KRT83: variants seen among roughly 807,000 people sequenced by gnomAD.
The protein encoded by KRT83 is keratin 83.
KRT83 carries 51 observed loss-of-function variants against 52.9 expected under a neutral mutation model. The observed-to-expected ratio is 0.96, with a 90% CI of 0.77 to 1.22. The LOEUF is 1.22. KRT83 is among the 50% of genes most tolerant of loss of function. The probability of loss-of-function intolerance (pLI) is 0.00; values close to 1 mark genes in which losing one functional copy is unlikely to be tolerated. For missense variants in KRT83, 654 were observed against 666.5 expected (o/e 0.98, Z 0.21); for synonymous variants, 278 against 274.1 (o/e 1.01, Z -0.14).
chr12:52,314,534 G>A lies in KRT83; in HGVS notation c.*97C>T. ...CGATGGTGTATTCTCAGAACACAAG[G>A]GGAAAAGCCAGCGATGTGCTGCTGT... On this transcript the variant is annotated 3_prime_UTR_variant, in exon 9 of 9. Coordinates refer to ENST00000293670, the MANE Select transcript of KRT83 (RefSeq NM_002282.3). 2.6e-6 allele frequency: 3 copies of A among 1,158,014 alleles called. No homozygotes were observed. Among genetic ancestry groups the A allele is most frequent in the East Asian group, 2.6e-5 (1 of 39,174 alleles). The allele number at this position is 1,158,014 out of a possible 1,614,324, so 71.7% of individuals were successfully genotyped here.
At position 52,321,204 on chromosome 12, in the gene KRT83, G is replaced by A. The variant is rs745755826; in HGVS notation, c.132C>T (p.Arg44=). 17 of 1,613,062 alleles carry A rather than the reference G, an allele frequency of 1.1e-5. No individual in the cohort carries two copies. The highest frequency in any genetic ancestry group is 1.4e-5 in the Non-Finnish European group (16 of 1,179,590). The change falls in exon 1 of 9, where the codon CGC becomes CGT. Residue 44 remains arginine, a synonymous_variant. Coordinates refer to ENST00000293670, the MANE Select transcript of KRT83 (RefSeq NM_002282.3). ...AAPYRGISCY[R]GLTGGFGSHS... is the part of the protein sequence containing the mutation. ...GGCTGCCAAAGCCCCCGGTGAGGCC[G>A]CGGTAGCAGGAGATGCCGCGGTAGG...
At position 52,314,735 on chromosome 12, in the gene KRT83, C is replaced by T. The variant is rs1427065959; in HGVS notation, c.1378G>A (p.Ala460Thr). ...SRPVTGSVCS[A>T]PCNGNLVVST... ...ACCACCAGGTTCCCGTTGCAGGGGGCACTGCAGACGCTGCCCGTCACCGGC... is the reference window on the plus strand; with the variant it reads ...ACCACCAGGTTCCCGTTGCAGGGGGTACTGCAGACGCTGCCCGTCACCGGC... The change falls in exon 9 of 9, where the codon GCC (alanine) becomes ACC (threonine). Residue 460 changes from alanine (A) to threonine (T), a missense_variant. Transcript: ENST00000293670. 4 of 1,594,690 alleles carry T rather than the reference C, an allele frequency of 2.5e-6. No homozygotes were observed. In the Admixed American group the frequency reaches 6.9e-5, roughly 28 times the overall value.
At chr12:52,316,261 T>TACACACACACACAAACACAC in intron 6 of KRT83, 148 bp from the exon 7 acceptor site, 1 of 810,432 alleles carries the variant, frequency 1.2e-6, no homozygotes, top group Non-Finnish European at 2.0e-6. Context: ...TCACTTACAC[T>TACACACACACACAAACACAC]ACACACACAC....
chr12:52,316,257 A>C, intron 6 of KRT83, 144 bp from the exon 7 acceptor site: 1 of 899,112 alleles, frequency 1.1e-6, no homozygotes, highest in East Asian at 2.7e-5. Context: ...CTCCTCACTT[A>C]CACTACACAC....
At position 52,317,738 on chromosome 12, in the gene KRT83, C is replaced by T; in HGVS notation, c.693G>A (p.Glu231=). Residue 231 remains glutamate, a synonymous_variant, in exon 4 of 9, where the codon GAG becomes GAA. Coordinates refer to ENST00000293670, the MANE Select transcript of KRT83 (RefSeq NM_002282.3). The stretch of plus-strand genomic sequence containing the variant: ...CCTGGATCAGGGCCTCCACGTTGGC[C>T]TCCAGGTCTGACTTGCGGAGGTAGG... ...DCAYLRKSDL[E]ANVEALIQEI... 3 of 1,613,696 alleles carry T rather than the reference C, an allele frequency of 1.9e-6. No individual in the cohort carries two copies. The highest frequency in any genetic ancestry group is 2.5e-6 in the Non-Finnish European group (3 of 1,179,988).
At position 52,314,681 on chromosome 12, in the gene KRT83, G is replaced by A. The variant is rs752120043; in HGVS notation, c.1432C>T (p.Gln478Ter). The A allele has an allele frequency of 6.3e-7, 1 of 1,582,258 alleles. No homozygotes were observed. The highest frequency in any genetic ancestry group is 8.6e-7 in the Non-Finnish European group (1 of 1,164,224). Residue 478 changes from glutamine to a stop codon, truncating the protein, a stop_gained, in exon 9 of 9, where the codon CAG (glutamine) becomes TAG (stop). Transcript: ENST00000293670. LOFTEE classifies it high-confidence loss of function. ...CCCCCTCCACAGGTGGTGTTCAGCT[G>A]GCCACAGGGCTTGCACAAACCAGTG... ...VSTGLCKPCG[Q>*]LNTTCGGGSC...
Position 52,317,784 on chromosome 12 carries a change from G to T in KRT83, c.655-8C>A, listed in dbSNP as rs375126673. Reference sequence around the variant, plus strand: ...GTAGGCGCAGTCCACATCCTGGGTGGGGTAGAAGGGGCTGTGAGGCCGGCT... The same window carrying T: ...GTAGGCGCAGTCCACATCCTGGGTGTGGTAGAAGGGGCTGTGAGGCCGGCT... On this transcript the variant is annotated splice_polypyrimidine_tract_variant and splice_region_variant and intron_variant, in intron 3 of 8. Coordinates refer to ENST00000293670, the MANE Select transcript of KRT83 (RefSeq NM_002282.3). 5 of 1,613,752 alleles carry T rather than the reference G, an allele frequency of 3.1e-6. No individual in the cohort carries two copies. The highest frequency in any genetic ancestry group is 4.2e-6 in the Non-Finnish European group (5 of 1,179,866).
chr12:52,319,763 A>C (rs1938742780), intron 1 of KRT83, among the ~76,000 whole-genome samples: 1 of 152,160 alleles, frequency 6.6e-6, no homozygotes, highest in Non-Finnish European at 1.5e-5. Context: ...GTTCAATCAC[A>C]CCAAGCCAGG....
Position 52,321,034 on chromosome 12 carries a change from T to G in KRT83, c.302A>C (p.Asp101Ala). 1 of 1,612,968 alleles carries G rather than the reference T, an allele frequency of 6.2e-7. No individual in the cohort carries two copies. Among genetic ancestry groups the G allele is most frequent in the Non-Finnish European group, 8.5e-7 (1 of 1,179,852 alleles). Residue 101 changes from aspartate (D) to alanine (A), a missense_variant, in exon 1 of 9, where the codon GAC (aspartate) becomes GCC (alanine). By Grantham distance (126) the Asp-to-Ala change is moderately radical. Transcript: ENST00000293670. ...CTGCTTCACGCACTGCGCGTTGGGG[T>G]CTATCTCCAGGTTGAGGGGCGTGAG... ...SLLTPLNLEI[D>A]PNAQCVKQEE...
rs11285858 is a variant in KRT83, at chr12:52,314,306, TC to T, written c.*324del. ...AAGACATTGCAGCACACAAAGCAGG[TC>T]CCCAAGTTTATTGGAAAAGGGGAGA... On this transcript the variant is annotated 3_prime_UTR_variant, in exon 9 of 9. Coordinates refer to ENST00000293670, the MANE Select transcript of KRT83 (RefSeq NM_002282.3). 0.4 allele frequency: 169,599 copies of T among 428,040 alleles called. 35,012 individuals are homozygous for T. The highest frequency in any genetic ancestry group is 0.47 in the African/African-American group (23,449 of 49,598). The allele number at this position is 428,040 out of a possible 1,614,324, so 26.5% of individuals were successfully genotyped here.
chr12:52,315,609 A>C (rs1334877011), intron 7 of KRT83, among the ~76,000 whole-genome samples: 1 of 152,234 alleles, frequency 6.6e-6, no homozygotes, highest in Non-Finnish European at 1.5e-5. Flanking sequence ...GAACAACCAT[A>C]TCTGTCAGGT....
At chr12:52,320,659 C>T (rs1423847636) in intron 1 of KRT83, among the ~76,000 whole-genome samples, 1 of 152,192 alleles carries the variant, frequency 6.6e-6, no homozygotes, top group Non-Finnish European at 1.5e-5. Flanking sequence ...GCTTCAAATG[C>T]CCTGAGCGCC....
chr12:52,314,401 C>T lies in KRT83; in HGVS notation c.*230G>A, dbSNP rs929248882. The T allele has an allele frequency of 8.9e-5, 53 of 598,250 alleles. No individual in the cohort carries two copies. The highest frequency in any genetic ancestry group is 5.2e-4 in the African/African-American group (28 of 54,072). 37.1% of individuals were successfully genotyped at this position (598,250 alleles called of 1,614,324 possible). On this transcript the variant is annotated 3_prime_UTR_variant, in exon 9 of 9. Coordinates refer to ENST00000293670, the MANE Select transcript of KRT83 (RefSeq NM_002282.3). Reference sequence around the variant, plus strand: ...TCCAGGGAAGCAAGGCCCTTCTCCCCGGGAGGGGCTGAAGGCTGAGACAGG... The same window carrying T: ...TCCAGGGAAGCAAGGCCCTTCTCCCTGGGAGGGGCTGAAGGCTGAGACAGG...
Position 52,314,726 on chromosome 12 carries a change from T to G in KRT83, c.1387A>C (p.Asn463His). The G allele has an allele frequency of 6.3e-7, 1 of 1,590,646 alleles. No individual in the cohort carries two copies. The highest frequency in any genetic ancestry group is 8.6e-7 in the Non-Finnish European group (1 of 1,168,846). ...VTGSVCSAPC[N>H]GNLVVSTGLC... Reference sequence around the variant, plus strand: ...CCAGTGCTCACCACCAGGTTCCCGTTGCAGGGGGCACTGCAGACGCTGCCC... The same window carrying G: ...CCAGTGCTCACCACCAGGTTCCCGTGGCAGGGGGCACTGCAGACGCTGCCC... Residue 463 changes from asparagine to histidine, a missense_variant, in exon 9 of 9, where the codon AAC becomes CAC. Transcript: ENST00000293670.
rs1592447498 is a variant in KRT83, at chr12:52,317,924, C to T, written c.640G>A (p.Val214Met). Residue 214 changes from valine (V) to methionine (M), a missense_variant, in exon 3 of 9, where the codon GTG becomes ATG. By Grantham distance (21) the Val-to-Met change is conservative. Transcript: ENST00000293670. ...GCTTCACTCACCTTCTTTAGAGCCA[C>T]AAACTCGTTCTCTGCTGTGGCTCGA... ...ALRATAENEF[V>M]ALKKDVDCAY... 1 of 1,614,202 alleles carries T rather than the reference C, an allele frequency of 6.2e-7. No homozygotes were observed. Among genetic ancestry groups the T allele is most frequent in the East Asian group, 2.2e-5 (1 of 44,884 alleles).
intron 4 of KRT83, 98 bp from the exon 5 acceptor site, chr12:52,317,121 T>C (rs1938700712): frequency 1.3e-6 from 2 of 1,498,996 alleles, no homozygotes; most frequent in African/African-American, 1.4e-5. Context: ...AGTGAACTTC[T>C]CATGTTTAGA....
chr12:52,319,087 C>A (rs879156879), intron 2 of KRT83, 69 bp downstream of exon 2: 3 of 1,608,252 alleles, frequency 1.9e-6, no homozygotes, highest in Non-Finnish European at 1.7e-6. Flanking sequence ...AGACTGGATA[C>A]TCCTCCGGGC....
chr12:52,318,206 C>T (rs1035839201), intron 2 of KRT83, among the ~76,000 whole-genome samples: 2 of 151,886 alleles, frequency 1.3e-5, no homozygotes, highest in African/African-American at 4.8e-5. Flanking sequence ...GATGGAGTCT[C>T]GCTCTGTCGC....
Position 52,321,173 on chromosome 12 carries a change from C to T in KRT83, c.163G>A (p.Val55Met), listed in dbSNP as rs767725820. 1.1e-5 allele frequency: 18 copies of T among 1,612,646 alleles called. No homozygotes were observed. Among genetic ancestry groups the T allele is most frequent in the Non-Finnish European group, 1.4e-5 (17 of 1,179,408 alleles). The stretch of plus-strand genomic sequence containing the variant: ...GAGCCGGCGCGGAAGCCCCCGCACA[C>T]GCTGTGGCTGCCAAAGCCCCCGGTG... ...GLTGGFGSHS[V>M]CGGFRAGSCG... Residue 55 changes from valine (V) to methionine (M), a missense_variant, in exon 1 of 9, where the codon GTG becomes ATG. Physicochemically the swap from Val to Met is conservative, Grantham distance 21. Transcript: ENST00000293670.
Sources: allele counts gnomAD v4.1 joint callset (sites outside exome capture counted in the v4.1 genomes callset), GRCh38; gene constraint gnomAD v4.1.1; transcripts MANE v1.5; gene names NCBI Gene and HGNC (gene_info 2026-07-23, HGNC 2026-07-21).